The following MSI2 variants were observed in gnomAD, a reference collection of about 807,000 sequenced individuals.
MSI2 encodes RNA-binding protein Musashi homolog 2.
MSI2 carries 17 observed loss-of-function variants against 45.6 expected under a neutral mutation model. The ratio of observed to expected loss-of-function variants is 0.37; its 90% CI spans 0.26 to 0.56. MSI2 has a LOEUF of 0.56. Ranked by LOEUF, MSI2 falls within the 20% of genes least tolerant of loss-of-function variation. MSI2 has a pLI of 0.77. For missense variants in MSI2, 293 were observed against 444.2 expected, an observed-to-expected ratio of 0.66 and a Z score of 3.06; for synonymous variants, 156 against 158.2, an observed-to-expected ratio of 0.99 and a Z score of 0.11.
In MSI2 at chr17:57,627,264, T is replaced by C; in HGVS notation, c.688T>C (p.Tyr230His). The change falls in exon 10 of 14, where the codon TAC (tyrosine) becomes CAC (histidine). Residue 230 changes from tyrosine to histidine, a missense_variant. Tyr to His is a moderately conservative substitution (Grantham distance 83, BLOSUM62 2). Transcript: ENST00000284073. This position sits in a 1 kb window ranked among gnomAD's most constrained non-coding sequence, Gnocchi z 4.6. ...PNFVATYGRG[Y>H]PGFAPSYGYQ... Reference sequence around the variant, plus strand: ...CTTCGTGGCGACCTATGGCCGTGGCTACCCCGGATTTGCTCCAAGCTATGG... The same window carrying C: ...CTTCGTGGCGACCTATGGCCGTGGCCACCCCGGATTTGCTCCAAGCTATGG... 6.2e-7 allele frequency: 1 copy of C among 1,614,226 alleles called. No homozygotes were observed. The highest frequency in any genetic ancestry group is 8.5e-7 in the Non-Finnish European group (1 of 1,180,032).
At chr17:57,698,892 A>AGTGT in the MSI2 span, among the ~76,000 whole-genome samples, 2,602 of 118,604 alleles carry the variant, frequency 0.022, 99 homozygotes, top group East Asian at 0.079. Flanking sequence ...GATACAAGGA[A>AGTGT]GTGTGTGTGT....
At chr17:57,610,383 C>T (rs976726160) in intron 8 of MSI2, among the ~76,000 whole-genome samples, 4 of 152,038 alleles carry the variant, frequency 2.6e-5, no homozygotes, top group Non-Finnish European at 5.9e-5. Context: ...ACCCGGGAGG[C>T]GGAGGTTGCA....
At chr17:57,313,124 C>A (rs1168658765) in intron 5 of MSI2, among the ~76,000 whole-genome samples, 1 of 152,168 alleles carries the variant, frequency 6.6e-6, no homozygotes, top group African/African-American at 2.4e-5. Context: ...GGATTACAGT[C>A]GTGAGCCACT....
chr17:57,333,322 T>C (rs1960120068), intron 5 of MSI2, among the ~76,000 whole-genome samples: 1 of 152,196 alleles, frequency 6.6e-6, no homozygotes, highest in African/African-American at 2.4e-5. Flanking sequence ...TTTTCCCCCC[T>C]GGAAAGTTCC....
chr17:57,666,130 G>A (rs1912343566), intron 11 of MSI2, among the ~76,000 whole-genome samples: 2 of 152,210 alleles, frequency 1.3e-5, no homozygotes, highest in Non-Finnish European at 2.9e-5. Context: ...CAGTTTCTCT[G>A]GGGCAAAGAA....
chr17:57,622,561 G>A (rs1908410606), intron 9 of MSI2, among the ~76,000 whole-genome samples: 1 of 152,104 alleles, frequency 6.6e-6, no homozygotes, highest in Admixed American at 6.5e-5. Context: ...AAGCACGTTA[G>A]CCAAAAGCAT....
chr17:57,415,432 TG>T (rs2084276788), intron 6 of MSI2, among the ~76,000 whole-genome samples: 1 of 152,132 alleles, frequency 6.6e-6, no homozygotes, highest in Non-Finnish European at 1.5e-5. Flanking sequence ...ACTTTGGAAT[TG>T]GGCAGACCTG....
intron 7 of MSI2, among the ~76,000 whole-genome samples, chr17:57,570,574 G>A (rs907218482): frequency 2.6e-5 from 4 of 152,182 alleles, no homozygotes; most frequent in African/African-American, 4.8e-5. Context: ...ACTCTTCCCT[G>A]CCTGCCTTCT....
intron 7 of MSI2, among the ~76,000 whole-genome samples, chr17:57,571,997 C>T (rs2144313653): frequency 6.6e-6 from 1 of 152,254 alleles, no homozygotes; most frequent in East Asian, 1.9e-4. Context: ...TATCATTAGG[C>T]CAACTAATTG....
At chr17:57,442,490 G>A (rs2084818521) in intron 6 of MSI2, among the ~76,000 whole-genome samples, 2 of 152,180 alleles carry the variant, frequency 1.3e-5, no homozygotes, top group South Asian at 2.1e-4. Context: ...CACGAGGTTT[G>A]TGGGATTCTA....
At chr17:57,464,630 C>G (rs1194647885) in intron 6 of MSI2, among the ~76,000 whole-genome samples, 1 of 152,154 alleles carries the variant, frequency 6.6e-6, no homozygotes, top group East Asian at 1.9e-4. Context: ...GTGGGCCAGC[C>G]TCTTCAGCTG....
At chr17:57,660,728 G>T (rs1911930046) in intron 11 of MSI2, among the ~76,000 whole-genome samples, 1 of 152,220 alleles carries the variant, frequency 6.6e-6, no homozygotes, top group Admixed American at 6.5e-5. Flanking sequence ...TCCCCAGGGG[G>T]CCGGGGAACA....
chr17:57,577,484 C>A (rs1339663396), intron 7 of MSI2, among the ~76,000 whole-genome samples: 1 of 152,184 alleles, frequency 6.6e-6, no homozygotes, highest in Non-Finnish European at 1.5e-5. Flanking sequence ...AAAATTATAT[C>A]TTTAAGCCCT....
intron 11 of MSI2, among the ~76,000 whole-genome samples, chr17:57,672,235 G>A (rs865833051): frequency 6.6e-6 from 1 of 152,316 alleles, no homozygotes; most frequent in Middle Eastern, 3.4e-3. Context: ...TCTTCTCCAC[G>A]GTGATTTTAG....
intron 11 of MSI2, among the ~76,000 whole-genome samples, chr17:57,664,050 A>G (rs1912200366): frequency 6.6e-6 from 1 of 152,130 alleles, no homozygotes; most frequent in Non-Finnish European, 1.5e-5. Context: ...AAGGCAGAGT[A>G]GGGAATCAGA....
At chr17:57,363,768 A>G (rs1202283290) in intron 5 of MSI2, among the ~76,000 whole-genome samples, 2 of 123,360 alleles carry the variant, frequency 1.6e-5, no homozygotes, top group Non-Finnish European at 3.3e-5. Flanking sequence ...AACAACAACA[A>G]CAACAAACAA....
chr17:57,685,028 G>C (rs1375159415), downstream of MSI2, among the ~76,000 whole-genome samples: 1 of 152,128 alleles, frequency 6.6e-6, no homozygotes, highest in Non-Finnish European at 1.5e-5. Context: ...GGAGCTAAGG[G>C]GCCCTCCCGG....
chr17:57,594,509 A>G (rs988373554), intron 7 of MSI2, among the ~76,000 whole-genome samples: 2 of 152,128 alleles, frequency 1.3e-5, no homozygotes, highest in African/African-American at 2.4e-5. Context: ...CGCTTGAGGA[A>G]CAAATACCCC....
chr17:57,256,489 T>G (rs954623925), upstream of MSI2: 296 of 76,596 alleles, frequency 3.9e-3, no homozygotes, highest in African/African-American at 0.016. Context: ...GGGGGAGAGG[T>G]GGGGATGGGC....
Sources: gnomAD v4.1 joint callset for allele counts (sites outside exome capture counted in the v4.1 genomes callset) on GRCh38, gnomAD v4.1.1 for gene constraint, Gnocchi (gnomAD v3.1) non-coding constraint, MANE v1.5 for transcripts, NCBI Gene and HGNC (gene_info 2026-07-23, HGNC 2026-07-21) for gene names.